The following FOXP2 variants were observed in gnomAD, a reference collection of about 807,000 sequenced individuals.
FOXP2 encodes the protein forkhead box P2.
Under a neutral mutation model 115.8 loss-of-function variants are expected in FOXP2, and 12 were observed. The observed-to-expected ratio is 0.10, with a 90% CI of 0.07 to 0.17. The LOEUF is 0.17. Ranked by LOEUF, FOXP2 falls within the 10% of genes least tolerant of loss-of-function variation. FOXP2 has a pLI of 1.00. For missense variants in FOXP2, 629 were observed against 843.5 expected (o/e 0.75, Z 3.15); for synonymous variants, 328 against 297.7 (o/e 1.10, Z -1.05).
chr7:114,596,132 TC>T (rs1802689107), intron 3 of FOXP2, among the ~76,000 whole-genome samples: 1 of 152,086 alleles, frequency 6.6e-6, no homozygotes, highest in African/African-American at 2.4e-5. Context: ...AGTTAGCAAT[TC>T]TTTTTCCTCA....
chr7:114,518,654 C>T lies in FOXP2; in HGVS notation c.169-15963C>T, dbSNP rs887171692. On this transcript the variant is annotated intron_variant, in intron 2 of 16. Coordinates refer to ENST00000350908, the MANE Select transcript of FOXP2 (RefSeq NM_014491.4). ...AGTAGCTGGGACTACAGGCATGGGC[C>T]ACCATGCCCAGTTAAATTTTTTTGT... 2.0e-5 allele frequency among the ~76,000 whole-genome samples: 3 copies of T among 152,058 alleles called. No homozygotes were observed. The East Asian group carries it at 5.8e-4, about 29-fold the overall frequency.
intron 2 of FOXP2, among the ~76,000 whole-genome samples, chr7:114,508,818 G>C (rs560663001): frequency 6.6e-6 from 1 of 151,966 alleles, no homozygotes; most frequent in Non-Finnish European, 1.5e-5. Flanking sequence ...AAGACCTGAG[G>C]GATTGAGGCA....
At chr7:114,481,232 C>T (rs1204021061) in intron 2 of FOXP2, among the ~76,000 whole-genome samples, 1 of 151,002 alleles carries the variant, frequency 6.6e-6, no homozygotes, top group Non-Finnish European at 1.5e-5. Flanking sequence ...TCTTACTTGC[C>T]CTCCTGCCCC....
rs73429315 is a variant in FOXP2 at position 114,514,167 on chromosome 7, T to C, written c.169-20450T>C. On this transcript the variant is annotated intron_variant, in intron 2 of 16. Transcript: ENST00000350908. Reference sequence around the variant, plus strand: ...GCTGTATGTATACAAAGTTATATTGTATATATACATGCTGTTTTCATATAG... The same window carrying C: ...GCTGTATGTATACAAAGTTATATTGCATATATACATGCTGTTTTCATATAG... Among the ~76,000 whole-genome samples, 1,268 of 152,154 alleles carry C rather than the reference T, an allele frequency of 8.3e-3. 14 individuals carry two copies. The highest frequency in any genetic ancestry group is 0.029 in the African/African-American group (1,209 of 41,540).
rs527245912 is a variant in FOXP2, at chr7:114,250,768, G to A, written c.-101-37251G>A. Among the ~76,000 whole-genome samples, 9 of 152,262 alleles carry A rather than the reference G, an allele frequency of 5.9e-5. No individual in the cohort carries two copies. The East Asian group carries it at 1.7e-3, about 29-fold the overall frequency. ...AGGTTGCCTGTTCACTCTGATAGTA[G>A]TTTCTTTTGCTGTGCAGAAGCTCTT... On this transcript the variant is annotated intron_variant, in intron 1 of 17. Transcript: ENST00000634411.
upstream of FOXP2, among the ~76,000 whole-genome samples, chr7:114,413,344 C>A (rs968029354): frequency 9.9e-5 from 15 of 151,950 alleles, no homozygotes; most frequent in South Asian, 2.1e-4. Flanking sequence ...TTGTTTAATT[C>A]CCTTAAAATA....
intron 2 of FOXP2, among the ~76,000 whole-genome samples, chr7:114,343,597 G>T (rs1038590718): frequency 6.6e-6 from 1 of 151,612 alleles, no homozygotes; most frequent in East Asian, 1.9e-4. Context: ...AAAACTATCA[G>T]TTAACTCACC....
intron 1 of FOXP2, among the ~76,000 whole-genome samples, chr7:114,250,002 A>T (rs546514982): frequency 1.4e-3 from 200 of 139,272 alleles, no homozygotes; most frequent in African/African-American, 4.9e-3. Context: ...CCTGTGTCCA[A>T]GTGTTCTCAT....
At chr7:114,133,631 G>C (rs1791950564) in intron 1 of FOXP2, among the ~76,000 whole-genome samples, 1 of 152,184 alleles carries the variant, frequency 6.6e-6, no homozygotes. Flanking sequence ...AGAGGTGTTG[G>C]GTGTTGGGAG....
chr7:114,530,404 C>T (rs996176043), intron 2 of FOXP2, among the ~76,000 whole-genome samples: 11 of 151,696 alleles, frequency 7.3e-5, no homozygotes, highest in Non-Finnish European at 1.5e-4. Flanking sequence ...TATTAATGGG[C>T]GTAGATGTCA....
At chr7:114,379,442 G>C (rs1392872164) in intron 2 of FOXP2, among the ~76,000 whole-genome samples, 3 of 152,078 alleles carry the variant, frequency 2.0e-5, no homozygotes, top group African/African-American at 7.2e-5. Context: ...GAAAACCCAA[G>C]TGTTGTTGGG....
intron 3 of FOXP2, among the ~76,000 whole-genome samples, chr7:114,546,936 G>T (rs1434925278): frequency 6.6e-6 from 1 of 152,156 alleles, no homozygotes; most frequent in Non-Finnish European, 1.5e-5. Flanking sequence ...ATTGGATTTT[G>T]TAAACTGTAT....
intron 2 of FOXP2, among the ~76,000 whole-genome samples, chr7:114,386,631 C>T (rs1433121074): frequency 1.3e-5 from 2 of 152,124 alleles, no homozygotes; most frequent in Non-Finnish European, 2.9e-5. Flanking sequence ...CACACTGAAC[C>T]AGATTTACAG....
intron 1 of FOXP2, among the ~76,000 whole-genome samples, chr7:114,236,848 A>T (rs1337965255): frequency 6.6e-6 from 1 of 152,028 alleles, no homozygotes; most frequent in Non-Finnish European, 1.5e-5. Flanking sequence ...GTGGTGGTGG[A>T]CACCTGTAAT....
intron 3 of FOXP2, among the ~76,000 whole-genome samples, chr7:114,535,895 GT>G (rs201605894): frequency 8.0e-5 from 12 of 150,570 alleles, no homozygotes; most frequent in South Asian, 2.1e-4. Context: ...ATTCTTTTCA[GT>G]TTTTTTTTCT....
intron 15 of FOXP2, among the ~76,000 whole-genome samples, chr7:114,663,801 T>C (rs879446821): frequency 6.6e-6 from 1 of 152,136 alleles, no homozygotes; most frequent in African/African-American, 2.4e-5. Context: ...TGCATTAATA[T>C]TTATCCAGGC....
At chr7:114,207,854 T>A (rs1163558625) in intron 1 of FOXP2, among the ~76,000 whole-genome samples, 1 of 152,234 alleles carries the variant, frequency 6.6e-6, no homozygotes, top group Non-Finnish European at 1.5e-5. Flanking sequence ...TTTATTTGAA[T>A]GCCATGATTA....
intron 2 of FOXP2, among the ~76,000 whole-genome samples, chr7:114,380,082 G>T (rs1057208665): frequency 6.6e-6 from 1 of 152,074 alleles, no homozygotes; most frequent in Admixed American, 6.5e-5. Context: ...GGGTCATTTG[G>T]CTTCAATACC....
At chr7:114,097,501 T>C (rs1799676963) in intron 1 of FOXP2, among the ~76,000 whole-genome samples, 1 of 152,254 alleles carries the variant, frequency 6.6e-6, no homozygotes. Flanking sequence ...TCCTTGGAGC[T>C]TAGAATCTTC....
Sources: gnomAD v4.1 joint callset for allele counts (sites outside exome capture counted in the v4.1 genomes callset) on GRCh38, gnomAD v4.1.1 for gene constraint, MANE v1.5 for transcripts, NCBI Gene and HGNC (gene_info 2026-07-23, HGNC 2026-07-21) for gene names.